THEMIS: variants seen among roughly 807,000 people sequenced by gnomAD.
THEMIS encodes thymocyte selection associated, also known as protein THEMIS.
A neutral mutation model predicts 52.6 loss-of-function variants in THEMIS; 37 were observed. That is an observed-to-expected ratio of 0.70 (90% CI 0.54 to 0.93). THEMIS has a LOEUF of 0.93. Among genes scored for constraint, THEMIS ranks in the 40% least tolerant of loss-of-function variants. THEMIS has a pLI of 0.00. For synonymous variants in THEMIS, 292 were observed against 272.7 expected, an observed-to-expected ratio of 1.07 and a Z score of -0.70; for missense variants, 808 against 763.1, an observed-to-expected ratio of 1.06 and a Z score of -0.69.
intron 1 of THEMIS, among the ~76,000 whole-genome samples, chr6:127,859,824 T>A (rs918750614): frequency 6.6e-6 from 1 of 152,116 alleles, no homozygotes; most frequent in African/African-American, 2.4e-5. Context: ...AGCTAGGAAA[T>A]TATATCTGCA....
At chr6:127,738,985 T>C (rs1775104143) in intron 4 of THEMIS, among the ~76,000 whole-genome samples, 1 of 152,182 alleles carries the variant, frequency 6.6e-6, no homozygotes, top group Admixed American at 6.5e-5. Context: ...CTTTAAAAGT[T>C]CTGGAGGTCA....
rs147557996 is a variant in THEMIS, at chr6:127,820,938, A to T, written c.710-7007T>A. Among the ~76,000 whole-genome samples the T allele has an allele frequency of 5.5e-4, 83 of 152,114 alleles. 1 individual carries two copies. Among genetic ancestry groups the T allele is most frequent in the African/African-American group, 1.9e-3 (80 of 41,566 alleles). ...TTTTAAACTGAAATAGGTTTCATTA[A>T]TTTTTATGGCAAATATTATATCTAA... is the stretch of plus-strand genomic sequence containing the variant. On this transcript the variant is annotated intron_variant, in intron 3 of 5. Coordinates refer to ENST00000368248, the MANE Select transcript of THEMIS (RefSeq NM_001010923.3).
chr6:127,896,623 A>G (rs1780975584), intron 1 of THEMIS, among the ~76,000 whole-genome samples: 1 of 151,498 alleles, frequency 6.6e-6, no homozygotes, highest in African/African-American at 2.4e-5. Flanking sequence ...AGTTAATTCT[A>G]AAATGTATGT....
intron 3 of THEMIS, among the ~76,000 whole-genome samples, chr6:127,828,537 T>C (rs1778584979): frequency 6.6e-6 from 1 of 152,222 alleles, no homozygotes; most frequent in Admixed American, 6.5e-5. Context: ...CAGAACTCTT[T>C]ACTATCCATC....
intron 1 of THEMIS, among the ~76,000 whole-genome samples, chr6:127,887,483 C>T (rs377468895): frequency 1.1e-4 from 17 of 152,070 alleles, no homozygotes; most frequent in Middle Eastern, 3.4e-3. Context: ...TGGTGTTAAA[C>T]GAAATGTGGT....
chr6:127,917,205 T>C (rs1167419060), intron 1 of THEMIS, among the ~76,000 whole-genome samples: 3 of 152,152 alleles, frequency 2.0e-5, no homozygotes, highest in African/African-American at 7.2e-5. Context: ...ACAAAATGGG[T>C]TGGTCCTCAA....
At chr6:127,778,754 T>C (rs939154237) in intron 4 of THEMIS, among the ~76,000 whole-genome samples, 1 of 152,064 alleles carries the variant, frequency 6.6e-6, no homozygotes, top group Non-Finnish European at 1.5e-5. Flanking sequence ...TAGTAAGTTA[T>C]ATATGACAGT....
At position 127,732,200 on chromosome 6, in the gene THEMIS, T is replaced by C. The variant is rs565543044; in HGVS notation, c.1759-12377A>G. On this transcript the variant is annotated intron_variant, in intron 4 of 5. Coordinates refer to ENST00000368248, the MANE Select transcript of THEMIS (RefSeq NM_001010923.3). ...CATTTTCCCAGTGGCTAATATCACATAACATGGCGAAGTTTTTTGTCACTA... is the reference window on the plus strand; with the variant it reads ...CATTTTCCCAGTGGCTAATATCACACAACATGGCGAAGTTTTTTGTCACTA... Among the ~76,000 whole-genome samples, 4 of 152,116 alleles carry C rather than the reference T, an allele frequency of 2.6e-5. 1 individual carries two copies. In the South Asian group the frequency reaches 8.3e-4, roughly 32 times the overall value.
At chr6:127,859,234 G>T (rs1194205982) in intron 1 of THEMIS, among the ~76,000 whole-genome samples, 3 of 151,904 alleles carry the variant, frequency 2.0e-5, no homozygotes, top group Non-Finnish European at 2.9e-5. Context: ...ACTTGTCAAA[G>T]TCCAACCAAT....
intron 4 of THEMIS, among the ~76,000 whole-genome samples, chr6:127,771,971 A>G (rs1018335888): frequency 6.6e-6 from 1 of 152,126 alleles, no homozygotes; most frequent in Non-Finnish European, 1.5e-5. Context: ...AAAAAATGGA[A>G]GACTGTAGTT....
chr6:127,776,533 C>T (rs1583263865), intron 4 of THEMIS, among the ~76,000 whole-genome samples: 1 of 152,152 alleles, frequency 6.6e-6, no homozygotes, highest in South Asian at 2.1e-4. Flanking sequence ...GAAAGTAGAA[C>T]CCCTCTGAGT....
At chr6:127,784,059 C>T (rs1345840183) in intron 4 of THEMIS, among the ~76,000 whole-genome samples, 2 of 152,058 alleles carry the variant, frequency 1.3e-5, no homozygotes, top group African/African-American at 4.8e-5. Context: ...TGCAGACATA[C>T]AAAAGGATGA....
chr6:127,893,541 C>T (rs561046547), intron 1 of THEMIS, among the ~76,000 whole-genome samples: 1 of 152,214 alleles, frequency 6.6e-6, no homozygotes, highest in Admixed American at 6.6e-5. Context: ...GTTTATAACC[C>T]ACAATTCTGT....
chr6:127,800,741 A>T (rs1217296382), intron 4 of THEMIS, among the ~76,000 whole-genome samples: 1 of 152,114 alleles, frequency 6.6e-6, no homozygotes, highest in Non-Finnish European at 1.5e-5. Flanking sequence ...GGGGAGACTG[A>T]CCTAGCTTCC....
At chr6:127,771,914 AG>A (rs1323305201) in intron 4 of THEMIS, among the ~76,000 whole-genome samples, 1 of 152,158 alleles carries the variant, frequency 6.6e-6, no homozygotes, top group African/African-American at 2.4e-5. Flanking sequence ...ATATATCATA[AG>A]GCATATATGA....
rs553445210 is a variant in THEMIS at position 127,829,152 on chromosome 6, A to AT, written c.709+323dup. On this transcript the variant is annotated intron_variant, in intron 3 of 5. Transcript: ENST00000368248. ...GCCTCATTCTAACTAAATATGTTCTATTTTTTAAAAGTAGCTCTTTTCTAG... is the reference window on the plus strand; with the variant it reads ...GCCTCATTCTAACTAAATATGTTCTATTTTTTTAAAAGTAGCTCTTTTCTAG... Among the ~76,000 whole-genome samples the AT allele has an allele frequency of 9.2e-5, 14 of 152,264 alleles. No individual in the cohort carries two copies. The East Asian group carries it at 2.7e-3, about 29-fold the overall frequency.
At chr6:127,707,283 C>T (rs1369907162), downstream of THEMIS, among the ~76,000 whole-genome samples, 1 of 152,026 alleles carries the variant, frequency 6.6e-6, no homozygotes, top group Admixed American at 6.6e-5. Flanking sequence ...GGAAGGTCAG[C>T]ATGACTTGAG....
chr6:127,813,738 TA>T lies in THEMIS; in HGVS notation c.902del (p.Leu301TyrfsTer8). ...PEGNHLPQSI[L>X]QPGKTIVIHK... Reference sequence around the variant, plus strand: ...GGATCACAATGGTTTTCCCAGGCTGTAAAATGCTTTGGGGCAGGTGGTTTCC... The same window carrying T: ...GGATCACAATGGTTTTCCCAGGCTGTAAATGCTTTGGGGCAGGTGGTTTCC... On this transcript the variant is annotated frameshift_variant, in exon 4 of 6. Coordinates refer to ENST00000368248, the MANE Select transcript of THEMIS (RefSeq NM_001010923.3). LOFTEE classifies it high-confidence loss of function. The T allele has an allele frequency of 1.9e-6, 3 of 1,613,996 alleles. No individual in the cohort carries two copies. The highest frequency in any genetic ancestry group is 2.5e-6 in the Non-Finnish European group (3 of 1,179,928).
chr6:127,741,287 C>T (rs1274930908), intron 4 of THEMIS, among the ~76,000 whole-genome samples: 3 of 152,028 alleles, frequency 2.0e-5, no homozygotes, highest in African/African-American at 7.2e-5. Flanking sequence ...TGGTGTGTAC[C>T]TCATTTAAAA....
Sources: allele counts gnomAD v4.1 joint callset (sites outside exome capture counted in the v4.1 genomes callset), GRCh38; gene constraint gnomAD v4.1.1; transcripts MANE v1.5; gene names NCBI Gene and HGNC (gene_info 2026-07-23, HGNC 2026-07-21).